The following TPRA1 variants were observed in gnomAD, a reference collection of about 807,000 sequenced individuals.
The protein encoded by TPRA1 is transmembrane protein adipocyte-associated 1.
In TPRA1, 28 loss-of-function variants were observed where a neutral mutation model predicts 40.1. That is an observed-to-expected ratio of 0.70 (90% CI 0.52 to 0.96). TPRA1 has a LOEUF of 0.96. Ranked by LOEUF, TPRA1 falls within the 40% of genes least tolerant of loss-of-function variation. TPRA1 has a pLI of 0.00. For synonymous variants in TPRA1, 219 were observed against 209.7 expected, an observed-to-expected ratio of 1.04 and a Z score of -0.38; for missense variants, 441 against 482.6, an observed-to-expected ratio of 0.91 and a Z score of 0.81.
In TPRA1 at chr3:127,573,799, G is replaced by A. The variant is rs1481641562; in HGVS notation, c.855-11C>T. The A allele has an allele frequency of 6.5e-7, 1 of 1,544,978 alleles. No individual in the cohort carries two copies. The highest frequency in any genetic ancestry group is 1.2e-5 in the South Asian group (1 of 82,168). On this transcript the variant is annotated splice_polypyrimidine_tract_variant and intron_variant, in intron 10 of 10. Transcript: ENST00000355552. ...ATCTTGGGCTCCGAGCTGATAAAAG[G>A]AAAAGAGGGGCATGGAAGCCTCACT...
chr3:127,587,916 G>A (rs1349636988), intron 1 of TPRA1, among the ~76,000 whole-genome samples: 1 of 152,154 alleles, frequency 6.6e-6, no homozygotes. Flanking sequence ...AGGAAACACA[G>A]AGGAGGTGTC....
At chr3:127,586,209 G>A (rs1351641055) in intron 1 of TPRA1, among the ~76,000 whole-genome samples, 1 of 152,222 alleles carries the variant, frequency 6.6e-6, no homozygotes, top group Non-Finnish European at 1.5e-5. Context: ...GCTTACAGCT[G>A]GAAGCGGGTG....
intron 1 of TPRA1, among the ~76,000 whole-genome samples, chr3:127,581,696 T>C (rs1002693632): frequency 6.6e-6 from 1 of 151,300 alleles, no homozygotes; most frequent in Admixed American, 6.6e-5. Flanking sequence ...GCAGATTGCC[T>C]GAGCTCAGGA....
chr3:127,583,201 TA>T (rs1402678734), intron 1 of TPRA1, among the ~76,000 whole-genome samples: 1 of 149,842 alleles, frequency 6.7e-6, no homozygotes, highest in Non-Finnish European at 1.5e-5. Context: ...TAATCCCAGC[TA>T]CTCAGGAGGC....
Position 127,580,022 on chromosome 3 carries a change from C to A in TPRA1, c.125G>T (p.Arg42Met), listed in dbSNP as rs1177067208. 6.2e-7 allele frequency: 1 copy of A among 1,613,574 alleles called. No individual in the cohort carries two copies. Among genetic ancestry groups the A allele is most frequent in the East Asian group, 2.2e-5 (1 of 44,876 alleles). The change falls in exon 2 of 11, where the codon AGG becomes ATG. Residue 42 changes from arginine to methionine, a missense_variant and splice_region_variant. Arg to Met is a moderately conservative substitution (Grantham distance 91). Transcript: ENST00000355552. Reference sequence around the variant, plus strand: ...CTGCCCAGCGTTGTGACTGCCTCACCTGGAGGTGCCAATGTCTTCGTAGAG... The same window carrying A: ...CTGCCCAGCGTTGTGACTGCCTCACATGGAGGTGCCAATGTCTTCGTAGAG... ...LLLYEDIGTS[R>M]VRYWDLLLLI...
chr3:127,591,573 C>T (rs2074170673), upstream of TPRA1, among the ~76,000 whole-genome samples: 1 of 152,196 alleles, frequency 6.6e-6, no homozygotes, highest in Non-Finnish European at 1.5e-5. Context: ...AAGCTTGTTC[C>T]TGCTCCTGGC....
At chr3:127,595,475 G>C (rs758816085), upstream of TPRA1, 1 of 152,332 alleles carries the variant, frequency 6.6e-6, no homozygotes, top group Non-Finnish European at 1.5e-5. Context: ...TCAATGTAGT[G>C]TCTGACTCCA....
At chr3:127,574,775 G>A (rs1286136376) in intron 10 of TPRA1, among the ~76,000 whole-genome samples, 3 of 152,220 alleles carry the variant, frequency 2.0e-5, no homozygotes. Flanking sequence ...TACATACAAT[G>A]TGCATATATA....
At chr3:127,575,577 C>T (rs2073582793) in intron 8 of TPRA1, 72 bp from the exon 9 acceptor site, 17 of 1,465,530 alleles carry the variant, frequency 1.2e-5, no homozygotes, top group African/African-American at 9.9e-5. Flanking sequence ...GCACCTACTA[C>T]CCTCAAGCCT....
Position 127,581,004 on chromosome 3 carries a change from G to A in TPRA1, c.-17-841C>T, listed in dbSNP as rs1018023625. Among the ~76,000 whole-genome samples the A allele has an allele frequency of 2.0e-5, 3 of 152,232 alleles. No homozygotes were observed. In the South Asian group the frequency reaches 6.2e-4, roughly 32 times the overall value. On this transcript the variant is annotated intron_variant, in intron 1 of 10. Coordinates refer to ENST00000355552, the MANE Select transcript of TPRA1 (RefSeq NM_001136053.4). Reference sequence around the variant, plus strand: ...ATGAGAGGTCGAGTCTAGCCTGGAAGACAGGAGAGCTGGTGGTCTGGGGTC... The same window carrying A: ...ATGAGAGGTCGAGTCTAGCCTGGAAAACAGGAGAGCTGGTGGTCTGGGGTC...
chr3:127,586,172 C>G (rs2073994186), intron 1 of TPRA1, among the ~76,000 whole-genome samples: 1 of 152,156 alleles, frequency 6.6e-6, no homozygotes, highest in Non-Finnish European at 1.5e-5. Context: ...CCCTGGAGGA[C>G]TGGGCCACCA....
At chr3:127,585,136 G>A (rs759475610) in intron 1 of TPRA1, among the ~76,000 whole-genome samples, 2 of 152,146 alleles carry the variant, frequency 1.3e-5, no homozygotes, top group Non-Finnish European at 2.9e-5. Flanking sequence ...AAATCCCAAT[G>A]AATATAAAGG....
intron 1 of TPRA1, among the ~76,000 whole-genome samples, chr3:127,583,533 A>C (rs1257093018): frequency 6.6e-6 from 1 of 152,066 alleles, no homozygotes; most frequent in Admixed American, 6.6e-5. Flanking sequence ...AAATAATAAA[A>C]TGAGGCCATA....
chr3:127,590,225 C>T (rs2074128396), intron 1 of TPRA1, among the ~76,000 whole-genome samples, 185 bp downstream of exon 1: 2 of 152,182 alleles, frequency 1.3e-5, no homozygotes, highest in Non-Finnish European at 2.9e-5. Context: ...CGGCACCCCT[C>T]CCGTGGGTTC....
upstream of TPRA1, among the ~76,000 whole-genome samples, chr3:127,591,446 C>T (rs2074168130): frequency 6.6e-6 from 1 of 152,230 alleles, no homozygotes; most frequent in Admixed American, 6.5e-5. Flanking sequence ...CACAGTTCTT[C>T]ACGCCTGTTC....
rs1300481702 is a variant in TPRA1, at chr3:127,576,534, C to T, written c.498+83G>A. 3.7e-6 allele frequency: 5 copies of T among 1,359,734 alleles called. No homozygotes were observed. Among genetic ancestry groups the T allele is most frequent in the African/African-American group, 1.5e-5 (1 of 68,856 alleles). 84.2% of individuals were successfully genotyped at this position (1,359,734 alleles called of 1,614,324 possible). On this transcript the variant is annotated intron_variant, in intron 6 of 10. Coordinates refer to ENST00000355552, the MANE Select transcript of TPRA1 (RefSeq NM_001136053.4). This position sits in a 1 kb window ranked among gnomAD's most constrained non-coding sequence, Gnocchi z 4.6. ...TTGAGAACTCTGAAGGTGATAAAGA[C>T]TGGAAACCTGACCCAGACCCAGAAG...
intron 1 of TPRA1, among the ~76,000 whole-genome samples, chr3:127,583,673 A>G (rs1239016256): frequency 6.7e-6 from 1 of 149,794 alleles, no homozygotes; most frequent in Non-Finnish European, 1.5e-5. Flanking sequence ...TCATTCACAC[A>G]TGCTTTTTTT....
At chr3:127,593,186 C>T (rs749500172), upstream of TPRA1, among the ~76,000 whole-genome samples, 9 of 152,192 alleles carry the variant, frequency 5.9e-5, no homozygotes, top group African/African-American at 1.2e-4. Context: ...ATCCACTACA[C>T]ACAGGACAGA....
chr3:127,589,517 C>CT (rs1042809761), intron 1 of TPRA1, among the ~76,000 whole-genome samples: 2 of 152,138 alleles, frequency 1.3e-5, no homozygotes, highest in Non-Finnish European at 2.9e-5. Flanking sequence ...GTCCTTCGGC[C>CT]TTGGGGCTGG....
Sources: gnomAD v4.1 joint callset for allele counts (sites outside exome capture counted in the v4.1 genomes callset) on GRCh38, gnomAD v4.1.1 for gene constraint, Gnocchi (gnomAD v3.1) non-coding constraint, MANE v1.5 for transcripts, NCBI Gene and HGNC (gene_info 2026-07-23, HGNC 2026-07-21) for gene names.